The following CCDC107 variants were observed in gnomAD, a reference collection of about 807,000 sequenced individuals.
CCDC107 encodes coiled-coil domain containing 107, also known as coiled-coil domain-containing protein 107.
In CCDC107, 17 loss-of-function variants were observed where a neutral mutation model predicts 17.9. The observed-to-expected ratio is 0.95, with a 90% CI of 0.65 to 1.42. CCDC107 has a LOEUF of 1.42. Among genes scored for constraint, CCDC107 ranks in the 40% most tolerant of loss-of-function variants. The pLI, the probability that CCDC107 is intolerant of heterozygous loss-of-function variation, is 0.00. For synonymous variants in CCDC107, 170 were observed against 157.2 expected (o/e 1.08, Z -0.61); for missense variants, 388 against 360.1 (o/e 1.08, Z -0.63).
In CCDC107 at chr9:35,660,936, A is replaced by C. The variant is rs1181359594; in HGVS notation, c.601A>C (p.Thr201Pro). ...ETGTFLISPHTEASRPLPEDF... is the reference protein window; with the variant it reads ...ETGTFLISPHPEASRPLPEDF... ...TGGAACATTCCTGATCTCTCCCCACACAGAGGCCAGCAGACCTCTTCCTGA... is the reference window on the plus strand; with the variant it reads ...TGGAACATTCCTGATCTCTCCCCACCCAGAGGCCAGCAGACCTCTTCCTGA... Residue 201 changes from threonine (T) to proline (P), a missense_variant, in exon 5 of 5, where the codon ACA (threonine) becomes CCA (proline). Physicochemically the swap from Thr to Pro is conservative, Grantham distance 38. Transcript: ENST00000426546. 3 of 1,614,100 alleles carry C rather than the reference A, an allele frequency of 1.9e-6. No individual in the cohort carries two copies.
Position 35,658,581 on chromosome 9 carries a change from G to C in CCDC107, c.112G>C (p.Ala38Pro), listed in dbSNP as rs1823704509. 1 of 1,581,550 alleles carries C rather than the reference G, an allele frequency of 6.3e-7. No homozygotes were observed. The highest frequency in any genetic ancestry group is 1.4e-5 in the African/African-American group (1 of 73,088). Reference sequence around the variant, plus strand: ...CCTGTATCCTCCCTCCGCAGGGAACGCAGCCCACCCCGGCTCTGGAGCCAC... The same window carrying C: ...CCTGTATCCTCCCTCCGCAGGGAACCCAGCCCACCCCGGCTCTGGAGCCAC... ...NPDLRAHPGN[A>P]AHPGSGATEP... The change falls in exon 2 of 5, where the codon GCA becomes CCA. Residue 38 changes from alanine (A) to proline (P), a missense_variant. Ala to Pro is a conservative substitution (Grantham distance 27, BLOSUM62 -1). Coordinates refer to ENST00000426546, the MANE Select transcript of CCDC107 (RefSeq NM_174923.3).
At chr9:35,658,749 G>A (rs1206150172) in intron 2 of CCDC107, 22 bp downstream of exon 2, 2 of 1,451,584 alleles carry the variant, frequency 1.4e-6, no homozygotes, top group African/African-American at 1.5e-5. Flanking sequence ...CCGGGGGTAG[G>A]GGTGCCCCTG....
In CCDC107 at chr9:35,660,980, G is replaced by A; in HGVS notation, c.645G>A (p.Glu215=). Residue 215 remains glutamate (E), a synonymous_variant, in exon 5 of 5, where the codon GAG becomes GAA. Coordinates refer to ENST00000426546, the MANE Select transcript of CCDC107 (RefSeq NM_174923.3). Reference sequence around the variant, plus strand: ...TTCCTGAGGACTTCTGTTTAAAGGAGGACGAGGAGGAGATTGGTGACAGTC... The same window carrying A: ...TTCCTGAGGACTTCTGTTTAAAGGAAGACGAGGAGGAGATTGGTGACAGTC... ...RPLPEDFCLK[E]DEEEIGDSQA... 2 of 1,614,166 alleles carry A rather than the reference G, an allele frequency of 1.2e-6. No homozygotes were observed. Among genetic ancestry groups the A allele is most frequent in the Non-Finnish European group, 1.7e-6 (2 of 1,180,024 alleles).
Position 35,661,063 on chromosome 9 carries a change from G to T in CCDC107, c.728G>T (p.Trp243Leu). ...STETWNLATS[W>L]EVGRGLRRRC... Reference sequence around the variant, plus strand: ...GAGACATGGAACCTAGCTACTTCCTGGGAGGTGGGGCGGGGACTACGGAGA... The same window carrying T: ...GAGACATGGAACCTAGCTACTTCCTTGGAGGTGGGGCGGGGACTACGGAGA... The change falls in exon 5 of 5, where the codon TGG becomes TTG. Residue 243 changes from tryptophan to leucine, a missense_variant. Trp to Leu is a moderately conservative substitution (Grantham distance 61). Coordinates refer to ENST00000426546, the MANE Select transcript of CCDC107 (RefSeq NM_174923.3). The T allele has an allele frequency of 2.5e-6, 4 of 1,614,182 alleles. No individual in the cohort carries two copies. The highest frequency in any genetic ancestry group is 3.4e-6 in the Non-Finnish European group (4 of 1,180,024).
intron 2 of CCDC107, chr9:35,659,341 G>A (rs947033497): frequency 6.6e-6 from 1 of 152,228 alleles, no homozygotes; most frequent in Non-Finnish European, 1.5e-5. Context: ...GATGTGACAG[G>A]CTAGGATGAA....
Position 35,658,481 on chromosome 9 carries a change from C to T in CCDC107, c.102C>T (p.His34=). ...GCGCCAATCCCGACCTCCGGGCACA[C>T]CCAGGTACCAGCTAGGGCTGCTGGA... ...GDRANPDLRA[H]PGNAAHPGSG... The change falls in exon 1 of 5, where the codon CAC becomes CAT. Residue 34 remains histidine (H), a synonymous_variant. Coordinates refer to ENST00000426546, the MANE Select transcript of CCDC107 (RefSeq NM_174923.3). The T allele has an allele frequency of 6.8e-7, 1 of 1,475,178 alleles. No individual in the cohort carries two copies. The highest frequency in any genetic ancestry group is 1.3e-5 in the South Asian group (1 of 76,850). The allele number at this position is 1,475,178 out of a possible 1,614,324, so 91.4% of individuals were successfully genotyped here. A position where few individuals can be genotyped will look rare whatever the true frequency, so the allele number is the denominator to read the frequency against.
In CCDC107 at chr9:35,660,459, C is replaced by A. The variant is rs768700325; in HGVS notation, c.317C>A (p.Ser106Ter). 3.1e-6 allele frequency: 5 copies of A among 1,613,092 alleles called. No homozygotes were observed. In the Admixed American group the frequency reaches 6.7e-5, roughly 22 times the overall value. ...EEASKQQPLQ[S>*]EQQLAQLTQQ... ...GCAAGCAAGCAGCAGCCACTGCAGT[C>A]AGGTGGGTTTAGCAGAAGTCTGTGC... The change falls in exon 3 of 5, where the codon TCA becomes TAA. Residue 106 changes from serine (S) to a stop codon, truncating the protein, a stop_gained and splice_region_variant. Coordinates refer to ENST00000426546, the MANE Select transcript of CCDC107 (RefSeq NM_174923.3). LOFTEE classifies it high-confidence loss of function.
chr9:35,661,196 T>C lies in CCDC107; in HGVS notation c.*9T>C. ...AAAGTCTGTTTTCATGATGGAGTGC[T>C]CCTGTGTGTTTTTTCGATCCTAGTT... is the stretch of plus-strand genomic sequence containing the variant. On this transcript the variant is annotated 3_prime_UTR_variant, in exon 5 of 5. Coordinates refer to ENST00000426546, the MANE Select transcript of CCDC107 (RefSeq NM_174923.3). 1 of 1,575,350 alleles carries C rather than the reference T, an allele frequency of 6.3e-7. No homozygotes were observed. Among genetic ancestry groups the C allele is most frequent in the Non-Finnish European group, 8.6e-7 (1 of 1,158,864 alleles).
In CCDC107 at chr9:35,660,794, A is replaced by G; in HGVS notation, c.459A>G (p.Leu153=). The part of the protein sequence containing the change: ...GAQQELLNMK[L]WTIHELLQDS... The stretch of plus-strand genomic sequence containing the variant: ...AGCAGGAGCTTCTGAACATGAAGCT[A>G]TGGACCATCCACGAGCTGCTGCAAG... Residue 153 remains leucine (L), a synonymous_variant, in exon 5 of 5, where the codon CTA becomes CTG. Coordinates refer to ENST00000426546, the MANE Select transcript of CCDC107 (RefSeq NM_174923.3). The G allele has an allele frequency of 6.2e-7, 1 of 1,614,202 alleles. No homozygotes were observed. The highest frequency in any genetic ancestry group is 8.5e-7 in the Non-Finnish European group (1 of 1,180,042).
In CCDC107 at chr9:35,661,058, T is replaced by C. The variant is rs199991115; in HGVS notation, c.723T>C (p.Thr241=). ...NWSTETWNLA[T]SWEVGRGLRR... Reference sequence around the variant, plus strand: ...GCACAGAGACATGGAACCTAGCTACTTCCTGGGAGGTGGGGCGGGGACTAC... The same window carrying C: ...GCACAGAGACATGGAACCTAGCTACCTCCTGGGAGGTGGGGCGGGGACTAC... The change falls in exon 5 of 5, where the codon ACT becomes ACC. Residue 241 remains threonine (T), a synonymous_variant. Coordinates refer to ENST00000426546, the MANE Select transcript of CCDC107 (RefSeq NM_174923.3). The C allele has an allele frequency of 3.7e-6, 6 of 1,614,168 alleles. No homozygotes were observed. Among genetic ancestry groups the C allele is most frequent in the Non-Finnish European group, 5.1e-6 (6 of 1,180,014 alleles).
Position 35,658,458 on chromosome 9 carries a change from G to T in CCDC107, c.79G>T (p.Ala27Ser). 1 of 1,473,846 alleles carries T rather than the reference G, an allele frequency of 6.8e-7. No individual in the cohort carries two copies. The allele number at this position is 1,473,846 out of a possible 1,614,324, so 91.3% of individuals were successfully genotyped here. A position where few individuals can be genotyped will look rare whatever the true frequency, so the allele number is the denominator to read the frequency against. ...SALSGVLGDR[A>S]NPDLRAHPGN... ...GCTGTCCGGGGTCCTAGGAGACCGC[G>T]CCAATCCCGACCTCCGGGCACACCC... Residue 27 changes from alanine to serine, a missense_variant, in exon 1 of 5, where the codon GCC (alanine) becomes TCC (serine). By Grantham distance (99) the Ala-to-Ser change is moderately conservative (BLOSUM62 1). Coordinates refer to ENST00000426546, the MANE Select transcript of CCDC107 (RefSeq NM_174923.3).
Position 35,658,453 on chromosome 9 carries a change from A to C in CCDC107, c.74A>C (p.Asp25Ala). Residue 25 changes from aspartate to alanine, a missense_variant, in exon 1 of 5, where the codon GAC (aspartate) becomes GCC (alanine). Asp to Ala is a moderately radical substitution (Grantham distance 126). Transcript: ENST00000426546. ...TCTGCGCTGTCCGGGGTCCTAGGAG[A>C]CCGCGCCAATCCCGACCTCCGGGCA... is the stretch of plus-strand genomic sequence containing the variant. ...LVSALSGVLG[D>A]RANPDLRAHP... The C allele has an allele frequency of 2.7e-6, 4 of 1,472,130 alleles. No homozygotes were observed. Among genetic ancestry groups the C allele is most frequent in the South Asian group, 1.3e-5 (1 of 76,178 alleles). 91.2% of individuals were successfully genotyped at this position (1,472,130 alleles called of 1,614,324 possible).
Position 35,660,551 on chromosome 9 carries a change from C to T in CCDC107, c.320-6C>T. On this transcript the variant is annotated splice_polypyrimidine_tract_variant and splice_region_variant and intron_variant, in intron 3 of 4. Coordinates refer to ENST00000426546, the MANE Select transcript of CCDC107 (RefSeq NM_174923.3). The stretch of plus-strand genomic sequence containing the variant: ...ACTTCTGCCCCCTTTTTTCCCTTAT[C>T]CCCAGAGCAACAGCTGGCCCAGTTG... The T allele has an allele frequency of 6.2e-7, 1 of 1,613,742 alleles. No individual in the cohort carries two copies. The highest frequency in any genetic ancestry group is 8.5e-7 in the Non-Finnish European group (1 of 1,179,880).
chr9:35,660,574 T>G lies in CCDC107; in HGVS notation c.337T>G (p.Leu113Val). The change falls in exon 4 of 5, where the codon TTG becomes GTG. Residue 113 changes from leucine to valine, a missense_variant. Physicochemically the swap from Leu to Val is conservative, Grantham distance 32. Coordinates refer to ENST00000426546, the MANE Select transcript of CCDC107 (RefSeq NM_174923.3). ...PLQSEQQLAQ[L>V]TQQLAQTEQH... ...ATCCCCAGAGCAACAGCTGGCCCAGTTGACACAACAGCTGGCCCAGACAGA... is the reference window on the plus strand; with the variant it reads ...ATCCCCAGAGCAACAGCTGGCCCAGGTGACACAACAGCTGGCCCAGACAGA... The G allele has an allele frequency of 5.0e-6, 8 of 1,614,082 alleles. No individual in the cohort carries two copies. Among genetic ancestry groups the G allele is most frequent in the Non-Finnish European group, 5.9e-6 (7 of 1,179,990 alleles).
In CCDC107 at chr9:35,661,014, G is replaced by A; in HGVS notation, c.679G>A (p.Glu227Lys). Residue 227 changes from glutamate (E) to lysine (K), a missense_variant, in exon 5 of 5, where the codon GAG becomes AAG. Physicochemically the swap from Glu to Lys is moderately conservative, Grantham distance 56 (BLOSUM62 1). Coordinates refer to ENST00000426546, the MANE Select transcript of CCDC107 (RefSeq NM_174923.3). The stretch of plus-strand genomic sequence containing the variant: ...GGAGATTGGTGACAGTCAGGCCTGG[G>A]AGGAGCCCACAAACTGGAGCACAGA... ...EEEIGDSQAW[E>K]EPTNWSTETW... The A allele has an allele frequency of 6.2e-7, 1 of 1,614,110 alleles. No homozygotes were observed. The highest frequency in any genetic ancestry group is 8.5e-7 in the Non-Finnish European group (1 of 1,179,988).
At position 35,661,091 on chromosome 9, in the gene CCDC107, G is replaced by A. The variant is rs10441686; in HGVS notation, c.756G>A (p.Arg252=). ...AGGTGGGGCGGGGACTACGGAGAAG[G>A]TGCAGCCAGGCTGTGGCAAAGGGCC... ...SWEVGRGLRR[R]CSQAVAKGPS... is the part of the protein sequence containing the mutation. Residue 252 remains arginine, a synonymous_variant, in exon 5 of 5, where the codon AGG becomes AGA. Coordinates refer to ENST00000426546, the MANE Select transcript of CCDC107 (RefSeq NM_174923.3). The A allele has an allele frequency of 0.032, 50,962 of 1,614,068 alleles. 1,596 individuals carry two copies. The highest frequency in any genetic ancestry group is 0.17 in the African/African-American group (12,392 of 75,000).
In CCDC107 at chr9:35,661,291, AAAAAGAG is replaced by A; in HGVS notation, c.*105_*111del. On this transcript the variant is annotated 3_prime_UTR_variant, in exon 5 of 5. Transcript: ENST00000426546. ...CTTGAAGAGCTGTCCTTATTAGGACAAAAAGAGGCTGCCTTCCAGTGTGACAGCAGAG... is the reference window on the plus strand; with the variant it reads ...CTTGAAGAGCTGTCCTTATTAGGACAGCTGCCTTCCAGTGTGACAGCAGAG... The A allele has an allele frequency of 2.6e-6, 2 of 771,502 alleles. No individual in the cohort carries two copies. Among genetic ancestry groups the A allele is most frequent in the Non-Finnish European group, 4.1e-6 (2 of 481,960 alleles). The allele number at this position is 771,502 out of a possible 1,614,324, so 47.8% of individuals were successfully genotyped here.
intron 2 of CCDC107, 46 bp downstream of exon 2, chr9:35,658,773 G>T: frequency 7.9e-7 from 1 of 1,266,658 alleles, no homozygotes. Context: ...GTGCGGGACC[G>T]CCGGGCGTGG....
chr9:35,659,605 G>A (rs553665569), intron 2 of CCDC107: 12 of 152,324 alleles, frequency 7.9e-5, no homozygotes, highest in African/African-American at 2.6e-4. Context: ...TGCTTTAAGA[G>A]CACTACGTGT....
Sources: gnomAD v4.1 joint callset for allele counts on GRCh38, gnomAD v4.1.1 for gene constraint, MANE v1.5 for transcripts, NCBI Gene and HGNC (gene_info 2026-07-23, HGNC 2026-07-21) for gene names.